The following TOGARAM2 variants were observed in gnomAD, a reference collection of about 807,000 sequenced individuals.
TOGARAM2 encodes TOG array regulator of axonemal microtubules protein 2.
In TOGARAM2, 85 loss-of-function variants were observed where a neutral mutation model predicts 93.3. That is an observed-to-expected ratio of 0.91 (90% CI 0.76 to 1.09). The LOEUF is 1.09. Among genes scored for constraint, TOGARAM2 ranks in the 50% least tolerant of loss-of-function variants. The pLI, the probability that TOGARAM2 is intolerant of heterozygous loss-of-function variation, is 0.00. For missense variants in TOGARAM2, 1,277 were observed against 1,334.5 expected (o/e 0.96, Z 0.67); for synonymous variants, 593 against 552.8 (o/e 1.07, Z -1.02).
At position 29,014,840 on chromosome 2, in the gene TOGARAM2, AAGG is replaced by A. The variant is rs1415591879; in HGVS notation, c.1044+284_1044+286del. 3.9e-5 allele frequency among the ~76,000 whole-genome samples: 6 copies of A among 152,146 alleles called. No homozygotes were observed. The East Asian group carries it at 9.7e-4, about 25-fold the overall frequency. On this transcript the variant is annotated intron_variant, in intron 8 of 19. Coordinates refer to ENST00000379558, the MANE Select transcript of TOGARAM2 (RefSeq NM_199280.4). ...GCTGAAGGGGTAGGAGGGAGGAAGG[AAGG>A]AGGACGGGGAGGTTGCACAGGGCTC...
At position 29,003,523 on chromosome 2, in the gene TOGARAM2, A is replaced by C; in HGVS notation, c.671A>C (p.Asn224Thr). Residue 224 changes from asparagine (N) to threonine (T), a missense_variant, in exon 6 of 20, where the codon AAT (asparagine) becomes ACT (threonine). Transcript: ENST00000379558. ...AQISWQYLHCNDEKMQKSLGA... is the reference protein window; with the variant it reads ...AQISWQYLHCTDEKMQKSLGA... ...ATCTCCTGGCAATACCTGCACTGCA[A>C]TGATGAGAAGATGCAGAAGTCCCTG... 6.3e-7 allele frequency: 1 copy of C among 1,584,114 alleles called. No homozygotes were observed. The highest frequency in any genetic ancestry group is 8.6e-7 in the Non-Finnish European group (1 of 1,166,036).
upstream of TOGARAM2, among the ~76,000 whole-genome samples, chr2:28,976,657 C>T (rs1672042125): frequency 1.3e-5 from 2 of 152,198 alleles, no homozygotes; most frequent in African/African-American, 4.8e-5. Flanking sequence ...AGGCGTTAGT[C>T]CCCATCCTGT....
chr2:28,970,695 G>A (rs1671935075), intron 1 of TOGARAM2, among the ~76,000 whole-genome samples: 2 of 152,294 alleles, frequency 1.3e-5, no homozygotes, highest in East Asian at 1.9e-4. Flanking sequence ...CAGGAGCAAC[G>A]CACCCACCTG....
At chr2:29,029,529 G>A (rs1010891525) in intron 14 of TOGARAM2, among the ~76,000 whole-genome samples, 5 of 152,070 alleles carry the variant, frequency 3.3e-5, no homozygotes, top group African/African-American at 7.2e-5. Flanking sequence ...GGCCGAGGCT[G>A]GCAGATCACA....
At chr2:29,045,462 C>T (rs774366693) in intron 19 of TOGARAM2, 52 bp downstream of exon 19, 6 of 1,400,462 alleles carry the variant, frequency 4.3e-6, no homozygotes, top group South Asian at 1.1e-5. Flanking sequence ...TTTCTGTTCT[C>T]TCCTGGTCTG....
intron 1 of TOGARAM2, among the ~76,000 whole-genome samples, chr2:28,984,745 A>T (rs998010572): frequency 6.6e-6 from 1 of 152,228 alleles, no homozygotes; most frequent in Non-Finnish European, 1.5e-5. Flanking sequence ...CCAGCAGAAG[A>T]CTTCCAAGCC....
intron 1 of TOGARAM2, among the ~76,000 whole-genome samples, chr2:28,967,798 CTTTTTTTTT>C (rs11417570): frequency 2.5e-5 from 2 of 78,572 alleles, no homozygotes; most frequent in Non-Finnish European, 4.3e-5. Flanking sequence ...ATAAGATGGT[CTTTTTTTTT>C]TTTTTTTTTT....
In TOGARAM2 at chr2:28,994,732, A is replaced by G. The variant is rs929086635; in HGVS notation, c.-103A>G. On this transcript the variant is annotated 5_prime_UTR_variant, in exon 2 of 20. The change abolishes an upstream ATG in the 5' untranslated region. Transcript: ENST00000379558. ...TTCTCCTCTCACCCTTAGGTCCCGGATGTTACAGGTCAGAGCCCTCCAGAC... is the reference window on the plus strand; with the variant it reads ...TTCTCCTCTCACCCTTAGGTCCCGGGTGTTACAGGTCAGAGCCCTCCAGAC... The G allele has an allele frequency of 3.4e-6, 4 of 1,192,688 alleles. No individual in the cohort carries two copies. The highest frequency in any genetic ancestry group is 4.8e-6 in the Non-Finnish European group (4 of 826,682). 73.9% of individuals were successfully genotyped at this position (1,192,688 alleles called of 1,614,324 possible).
chr2:28,968,994 C>A (rs1166188312), intron 1 of TOGARAM2, among the ~76,000 whole-genome samples: 1 of 151,918 alleles, frequency 6.6e-6, no homozygotes, highest in Non-Finnish European at 1.5e-5. Context: ...ATGAATGAGG[C>A]CATTGGTGCA....
intron 11 of TOGARAM2, among the ~76,000 whole-genome samples, chr2:29,022,559 C>T (rs138744716): frequency 2.0e-5 from 3 of 152,212 alleles, no homozygotes; most frequent in African/African-American, 7.2e-5. Flanking sequence ...ATGCATGGCT[C>T]TGTGGTGTAC....
At position 28,962,906 on chromosome 2, in the gene TOGARAM2, C is replaced by T. The variant is rs1033658853; in HGVS notation, c.-147+6209C>T. 4.0e-5 allele frequency among the ~76,000 whole-genome samples: 6 copies of T among 151,700 alleles called. No individual in the cohort carries two copies. In the East Asian group the frequency reaches 5.8e-4, roughly 15 times the overall value. On this transcript the variant is annotated intron_variant, in intron 1 of 6. Transcript: ENST00000401723. ...ATTGCCCAGACAGCTCTCTGAAGCCCGGATCTCCTGGGCTCAAGTGATCCT... is the reference window on the plus strand; with the variant it reads ...ATTGCCCAGACAGCTCTCTGAAGCCTGGATCTCCTGGGCTCAAGTGATCCT...
At chr2:29,033,845 C>A (rs996232005) in intron 16 of TOGARAM2, among the ~76,000 whole-genome samples, 1 of 152,130 alleles carries the variant, frequency 6.6e-6, no homozygotes, top group Non-Finnish European at 1.5e-5. Context: ...GGTGGTTGGA[C>A]TCTCTGTGTG....
At chr2:28,957,922 A>G (rs373559327) in intron 1 of TOGARAM2, among the ~76,000 whole-genome samples, 13 of 152,224 alleles carry the variant, frequency 8.5e-5, no homozygotes, top group African/African-American at 3.1e-4. Context: ...GGACTATGGC[A>G]TAGGGATGAG....
chr2:29,005,995 G>GTGTGTGCAAA lies in TOGARAM2; in HGVS notation c.830+2313_830+2314insTGTGTGCAAA, dbSNP rs1572686449. 5.4e-5 allele frequency among the ~76,000 whole-genome samples: 8 copies of GTGTGTGCAAA among 147,388 alleles called. No homozygotes were observed. In the East Asian group the frequency reaches 1.7e-3, roughly 31 times the overall value. Reference sequence around the variant, plus strand: ...TGAGACCGTATGAGTGCATGTGTAGGGTGTGTATGTGTGCGTGTGTGTGTG... The same window carrying GTGTGTGCAAA: ...TGAGACCGTATGAGTGCATGTGTAGGTGTGTGCAAAGTGTGTATGTGTGCGTGTGTGTGTG... On this transcript the variant is annotated intron_variant, in intron 6 of 19. Transcript: ENST00000379558.
intron 1 of TOGARAM2, among the ~76,000 whole-genome samples, chr2:28,961,486 C>T (rs1447086792): frequency 6.6e-6 from 1 of 151,946 alleles, no homozygotes; most frequent in Non-Finnish European, 1.5e-5. Context: ...GGATTATAGG[C>T]GCCCGCCACC....
chr2:28,988,562 C>T (rs1672569005), intron 1 of TOGARAM2, among the ~76,000 whole-genome samples: 2 of 152,138 alleles, frequency 1.3e-5, no homozygotes, highest in Non-Finnish European at 2.9e-5. Context: ...CTTTCTCCTC[C>T]TCCTGTGAAC....
At chr2:29,048,098 A>G (rs1263004935) in intron 19 of TOGARAM2, 2 of 152,212 alleles carry the variant, frequency 1.3e-5, no homozygotes, top group Non-Finnish European at 2.9e-5. Context: ...AGGCCTCACA[A>G]TCATGCCACT....
At position 28,999,381 on chromosome 2, in the gene TOGARAM2, G is replaced by A; in HGVS notation, c.340G>A (p.Ala114Thr). ...GCTCCTCCCTTCTCCGGAGTCAGAG[G>A]CCAACAGCGTGGCCAGGGACACCAT... ...LVLLPSPESE[A>T]NSVARDTIQI... The change falls in exon 4 of 20, where the codon GCC becomes ACC. Residue 114 changes from alanine to threonine, a missense_variant. By Grantham distance (58) the Ala-to-Thr change is moderately conservative. Coordinates refer to ENST00000379558, the MANE Select transcript of TOGARAM2 (RefSeq NM_199280.4). The A allele has an allele frequency of 6.2e-7, 1 of 1,613,458 alleles. No homozygotes were observed. The highest frequency in any genetic ancestry group is 1.1e-5 in the South Asian group (1 of 90,884).
chr2:28,983,136 C>T (rs1672283984), intron 1 of TOGARAM2, among the ~76,000 whole-genome samples: 1 of 148,662 alleles, frequency 6.7e-6, no homozygotes, highest in Admixed American at 6.7e-5. Flanking sequence ...TACAGGTGCA[C>T]ACCACCATGC....
Sources: gnomAD v4.1 joint callset for allele counts (sites outside exome capture counted in the v4.1 genomes callset) on GRCh38, gnomAD v4.1.1 for gene constraint, MANE v1.5 for transcripts, NCBI Gene and HGNC (gene_info 2026-07-23, HGNC 2026-07-21) for gene names.